RABGAP1L: variants seen among roughly 807,000 people sequenced by gnomAD.
RABGAP1L encodes RAB GTPase activating protein 1 like.
A neutral mutation model predicts 137.7 loss-of-function variants in RABGAP1L; 63 were observed. The ratio of observed to expected loss-of-function variants is 0.46; its 90% CI spans 0.37 to 0.56. The LOEUF (loss-of-function observed/expected upper bound fraction) is 0.56. RABGAP1L is among the 20% of genes least tolerant of loss of function. The pLI is 0.00. For missense variants in RABGAP1L, 1,095 were observed against 1,244.0 expected, an observed-to-expected ratio of 0.88 and a Z score of 1.80; for synonymous variants, 431 against 433.7, an observed-to-expected ratio of 0.99 and a Z score of 0.08.
chr1:174,322,953 GTAA>G (rs1195867542), intron 11 of RABGAP1L, among the ~76,000 whole-genome samples: 1 of 152,066 alleles, frequency 6.6e-6, no homozygotes, highest in African/African-American at 2.4e-5. Context: ...AAGATTTCAG[GTAA>G]TGTCATCCAA....
At chr1:174,298,851 C>T (rs1338537773) in intron 10 of RABGAP1L, among the ~76,000 whole-genome samples, 1 of 152,192 alleles carries the variant, frequency 6.6e-6, no homozygotes, top group East Asian at 1.9e-4. Flanking sequence ...TTGCTCAGAA[C>T]TAGAATATTG....
intron 13 of RABGAP1L, among the ~76,000 whole-genome samples, chr1:174,622,850 A>G (rs1407309740): frequency 4.6e-5 from 7 of 152,252 alleles, no homozygotes; most frequent in East Asian, 1.9e-4. Flanking sequence ...AACTTAAAGT[A>G]TATTTTAAAA....
chr1:174,448,057 G>A lies in RABGAP1L; in HGVS notation c.1710+53912G>A. On this transcript the variant is annotated intron_variant, in intron 13 of 25. Coordinates refer to ENST00000681986, the MANE Select transcript of RABGAP1L (RefSeq NM_001366446.1). This position sits in a 1 kb window ranked among gnomAD's most constrained non-coding sequence, Gnocchi z 4.2. ...ATGTGCGGTGTTTAACAGATGCTGG[G>A]CAGGGCATCTGCTTGCTGTAGCCAA... 1.3e-6 allele frequency: 2 copies of A among 1,509,286 alleles called. No individual in the cohort carries two copies. Among genetic ancestry groups the A allele is most frequent in the Admixed American group, 3.6e-5 (2 of 55,062 alleles). The allele number at this position is 1,509,286 out of a possible 1,614,324, so 93.5% of individuals were successfully genotyped here. A position where few individuals can be genotyped will look rare whatever the true frequency, so the allele number is the denominator to read the frequency against.
intron 13 of RABGAP1L, among the ~76,000 whole-genome samples, chr1:174,438,780 CTT>C (rs1285660247): frequency 1.3e-5 from 1 of 76,648 alleles, no homozygotes; most frequent in African/African-American, 6.4e-5. Context: ...ATATATATGA[CTT>C]TTTAATTTTT....
intron 1 of RABGAP1L, among the ~76,000 whole-genome samples, chr1:174,183,044 G>A (rs1355561704): frequency 2.6e-5 from 4 of 152,116 alleles, no homozygotes; most frequent in Admixed American, 6.6e-5. Flanking sequence ...TAATAACACT[G>A]AGTTATAATA....
intron 14 of RABGAP1L, among the ~76,000 whole-genome samples, chr1:174,679,164 C>T (rs1161348783): frequency 6.6e-6 from 1 of 152,172 alleles, no homozygotes; most frequent in East Asian, 1.9e-4. Context: ...TCTTTACCTC[C>T]TGTTTTTGCC....
chr1:174,866,153 GAGAGA>G (rs1651199929), intron 19 of RABGAP1L, among the ~76,000 whole-genome samples: 2 of 146,562 alleles, frequency 1.4e-5, no homozygotes, highest in Non-Finnish European at 3.0e-5. Flanking sequence ...GAGAGAGAGA[GAGAGA>G]GAGAGATGCC....
Position 174,219,166 on chromosome 1 carries a change from CAG to C in RABGAP1L, c.12_13del (p.Arg4SerfsTer7). MEV[R>X]ASLQKVSGSS... ...AAGTTTGCAGAACTGAAATGGAGGT[CAG>C]AGCTTCATTACAGAAGGTTAGTGGA... On this transcript the variant is annotated frameshift_variant, in exon 2 of 26. Coordinates refer to ENST00000681986, the MANE Select transcript of RABGAP1L (RefSeq NM_001366446.1). LOFTEE classifies it high-confidence loss of function. 6.3e-7 allele frequency: 1 copy of C among 1,597,128 alleles called. No homozygotes were observed. The highest frequency in any genetic ancestry group is 1.4e-5 in the African/African-American group (1 of 73,952).
chr1:174,729,848 GAA>G (rs1431900240), intron 17 of RABGAP1L, among the ~76,000 whole-genome samples: 2 of 152,162 alleles, frequency 1.3e-5, no homozygotes, highest in Non-Finnish European at 2.9e-5. Context: ...TGGAGAAAAG[GAA>G]ACACTTATAC....
At chr1:174,850,269 T>C in intron 19 of RABGAP1L, 1 of 243,496 alleles carries the variant, frequency 4.1e-6, no homozygotes, top group Non-Finnish European at 8.1e-6. Context: ...ACTGAGGCCT[T>C]GGTGATTTAA....
At chr1:174,363,005 G>A (rs1413232174) in intron 11 of RABGAP1L, among the ~76,000 whole-genome samples, 1 of 151,280 alleles carries the variant, frequency 6.6e-6, no homozygotes, top group East Asian at 1.9e-4. Context: ...TTCTGCATAT[G>A]GCTAGCCAGT....
chr1:174,555,592 A>C lies in RABGAP1L; in HGVS notation c.1711-81783A>C, dbSNP rs150054241. Among the ~76,000 whole-genome samples, 175 of 152,312 alleles carry C rather than the reference A, an allele frequency of 1.1e-3. 1 individual carries two copies. Among genetic ancestry groups the C allele is most frequent in the African/African-American group, 4.1e-3 (171 of 41,574 alleles). ...AATGTTTACTGTGAATAGTGAAGAT[A>C]TAGATATACATAGAAAGACTAATAA... is the stretch of plus-strand genomic sequence containing the variant. On this transcript the variant is annotated intron_variant, in intron 13 of 25. Coordinates refer to ENST00000681986, the MANE Select transcript of RABGAP1L (RefSeq NM_001366446.1).
At chr1:174,284,759 T>G (rs1357219534) in intron 10 of RABGAP1L, among the ~76,000 whole-genome samples, 1 of 144,448 alleles carries the variant, frequency 6.9e-6, no homozygotes, top group African/African-American at 2.6e-5. Context: ...TTTTTTTTTT[T>G]TGTGATGGGG....
At chr1:174,915,248 A>G (rs1174790467) in intron 19 of RABGAP1L, among the ~76,000 whole-genome samples, 2 of 152,180 alleles carry the variant, frequency 1.3e-5, no homozygotes, top group Non-Finnish European at 2.9e-5. Context: ...AAATTGCCAT[A>G]CTATTTTCCA....
intron 12 of RABGAP1L, among the ~76,000 whole-genome samples, chr1:174,384,826 C>G (rs1319962914): frequency 1.3e-5 from 2 of 152,176 alleles, no homozygotes; most frequent in Non-Finnish European, 2.9e-5. Context: ...TGAAATATCT[C>G]TTACCACTAC....
chr1:174,625,040 T>G (rs1288370618), intron 13 of RABGAP1L, among the ~76,000 whole-genome samples: 2 of 151,836 alleles, frequency 1.3e-5, no homozygotes, highest in Admixed American at 1.3e-4. Context: ...CCTGGCTAAT[T>G]TTTGTATTTT....
At chr1:174,328,263 A>C (rs1020157755) in intron 11 of RABGAP1L, among the ~76,000 whole-genome samples, 4 of 151,932 alleles carry the variant, frequency 2.6e-5, no homozygotes, top group Non-Finnish European at 5.9e-5. Context: ...TCAACTGCAT[A>C]TGAAACATTC....
intron 11 of RABGAP1L, among the ~76,000 whole-genome samples, chr1:174,320,133 G>A (rs998058380): frequency 2.0e-5 from 3 of 152,078 alleles, no homozygotes; most frequent in African/African-American, 7.2e-5. Flanking sequence ...ATTTTGAGTG[G>A]TAGTTCACCA....
chr1:174,193,675 A>T (rs1220323091), intron 1 of RABGAP1L, among the ~76,000 whole-genome samples: 1 of 151,828 alleles, frequency 6.6e-6, no homozygotes, highest in Non-Finnish European at 1.5e-5. Flanking sequence ...AACATTAAAC[A>T]GAATGCCAGG....
Sources: gnomAD v4.1 joint callset for allele counts (sites outside exome capture counted in the v4.1 genomes callset) on GRCh38, gnomAD v4.1.1 for gene constraint, Gnocchi (gnomAD v3.1) non-coding constraint, MANE v1.5 for transcripts, NCBI Gene and HGNC (gene_info 2026-07-23, HGNC 2026-07-21) for gene names.